Variants in THADA observed in about 807,000 individuals in gnomAD.
THADA encodes THADA armadillo repeat containing.
THADA carries 213 observed loss-of-function variants against 219.8 expected under a neutral mutation model. The observed-to-expected ratio is 0.97, with a 90% CI of 0.87 to 1.09. The LOEUF (loss-of-function observed/expected upper bound fraction) is 1.09. Among genes scored for constraint, THADA ranks in the 50% least tolerant of loss-of-function variants. The pLI is 0.00. For missense variants in THADA, 2,956 were observed against 2,311.3 expected (o/e 1.28, Z -5.72); for synonymous variants, 1,018 against 828.9 (o/e 1.23, Z -3.92).
At chr2:43,399,096 T>G (rs1010623212) in intron 28 of THADA, among the ~76,000 whole-genome samples, 1 of 152,200 alleles carries the variant, frequency 6.6e-6, no homozygotes. Context: ...CTTTAAAGCC[T>G]TCACAGATAG....
At position 43,499,848 on chromosome 2, in the gene THADA, G is replaced by C. The variant is rs544538163; in HGVS notation, c.3622-893C>G. Among the ~76,000 whole-genome samples, 12 of 151,982 alleles carry C rather than the reference G, an allele frequency of 7.9e-5. No homozygotes were observed. In the South Asian group the frequency reaches 2.5e-3, roughly 32 times the overall value. On this transcript the variant is annotated intron_variant, in intron 24 of 37. Transcript: ENST00000405975. ...ATGCTTCTATTTTTTTAAATGACTA[G>C]AATGATTGTGGTAAGTGACGAATTA...
At chr2:43,274,947 A>ATCC (rs1188684257) in intron 36 of THADA, among the ~76,000 whole-genome samples, 1 of 147,846 alleles carries the variant, frequency 6.8e-6, no homozygotes, top group Non-Finnish European at 1.5e-5. Context: ...GCCTTCTCTT[A>ATCC]TCCTGTATCA....
At chr2:43,289,297 T>C (rs1299507393) in intron 34 of THADA, among the ~76,000 whole-genome samples, 1 of 152,248 alleles carries the variant, frequency 6.6e-6, no homozygotes, top group Non-Finnish European at 1.5e-5. Flanking sequence ...GTTCCAGATG[T>C]ACTTTACTTC....
At chr2:43,452,178 T>A (rs2104898723) in intron 26 of THADA, among the ~76,000 whole-genome samples, 1 of 152,268 alleles carries the variant, frequency 6.6e-6, no homozygotes, top group African/African-American at 2.4e-5. Flanking sequence ...TAGACTAATT[T>A]AGCATAAGGT....
intron 18 of THADA, 97 bp downstream of exon 18, chr2:43,552,107 T>C (rs1696820395): frequency 9.8e-6 from 15 of 1,530,178 alleles, no homozygotes; most frequent in Middle Eastern, 1.7e-4. Context: ...TTCAAAGCAA[T>C]AGACTGCATT....
intron 8 of THADA, among the ~76,000 whole-genome samples, chr2:43,579,572 G>A (rs1327235427): frequency 6.6e-6 from 1 of 152,134 alleles, no homozygotes; most frequent in Non-Finnish European, 1.5e-5. Flanking sequence ...GACTTTGATT[G>A]GGGAAGCCAC....
intron 26 of THADA, among the ~76,000 whole-genome samples, chr2:43,445,410 C>T (rs1049070368): frequency 6.6e-6 from 1 of 152,198 alleles, no homozygotes; most frequent in African/African-American, 2.4e-5. Context: ...CTGACACTAG[C>T]TTTTCTCCCT....
At chr2:43,585,729 C>A (rs1458482570) in intron 7 of THADA, among the ~76,000 whole-genome samples, 1 of 151,980 alleles carries the variant, frequency 6.6e-6, no homozygotes, top group Admixed American at 6.6e-5. Flanking sequence ...AAAAAACTAT[C>A]ATGAATATAT....
chr2:43,539,660 A>G (rs2103804850), intron 21 of THADA, among the ~76,000 whole-genome samples: 1 of 152,314 alleles, frequency 6.6e-6, no homozygotes, highest in Non-Finnish European at 1.5e-5. Context: ...TTACCATGTG[A>G]ATGGCAACAT....
intron 36 of THADA, among the ~76,000 whole-genome samples, chr2:43,272,892 C>T (rs947372845): frequency 6.6e-6 from 1 of 151,868 alleles, no homozygotes; most frequent in African/African-American, 2.4e-5. Context: ...TCCGAAAGTG[C>T]TGGGATTACA....
intron 26 of THADA, among the ~76,000 whole-genome samples, chr2:43,459,546 T>G (rs1683391661): frequency 6.6e-6 from 1 of 152,150 alleles, no homozygotes; most frequent in Admixed American, 6.6e-5. Flanking sequence ...GACTAGAAAC[T>G]AAAAGTCAAA....
intron 36 of THADA, among the ~76,000 whole-genome samples, chr2:43,260,854 A>G (rs922193606): frequency 2.0e-5 from 3 of 152,208 alleles, no homozygotes; most frequent in African/African-American, 7.2e-5. Context: ...TTTCTGTCAG[A>G]GTACAAGGTT....
intron 19 of THADA, among the ~76,000 whole-genome samples, chr2:43,551,287 T>C (rs1696710692): frequency 6.6e-6 from 1 of 152,240 alleles, no homozygotes; most frequent in Non-Finnish European, 1.5e-5. Flanking sequence ...CACTCAATTT[T>C]AGCACAGGTT....
chr2:43,590,013 A>G (rs1055848750), intron 4 of THADA, among the ~76,000 whole-genome samples: 1 of 152,152 alleles, frequency 6.6e-6, no homozygotes, highest in Non-Finnish European at 1.5e-5. Flanking sequence ...GATATATATA[A>G]AAAAAGTAGA....
intron 28 of THADA, 121 bp downstream of exon 28, chr2:43,427,979 A>AAT (rs1043956897): frequency 2.0e-4 from 93 of 466,934 alleles, no homozygotes; most frequent in African/African-American, 7.1e-4. Context: ...ACAAACAAAT[A>AAT]ATATATATAT....
chr2:43,234,359 C>G (rs1469021987), intron 36 of THADA, among the ~76,000 whole-genome samples: 2 of 152,192 alleles, frequency 1.3e-5, no homozygotes, highest in African/African-American at 2.4e-5. Context: ...GGTGAAAGTA[C>G]TGATCTCACC....
chr2:43,364,449 T>C (rs931840018), intron 29 of THADA, among the ~76,000 whole-genome samples: 1 of 152,160 alleles, frequency 6.6e-6, no homozygotes, highest in African/African-American at 2.4e-5. Flanking sequence ...CTACAGGATG[T>C]TTCCTAGCCC....
intron 36 of THADA, among the ~76,000 whole-genome samples, chr2:43,266,452 AGTTAGCCGGGCGTGGTGGCTGGCACCT>A: frequency 6.6e-6 from 1 of 152,208 alleles, no homozygotes; most frequent in East Asian, 1.9e-4. Flanking sequence ...AAAAATAAAA[AGTTAGCCGGGCGTGGTGGCTGGCACCT>A]GTAGTTGCAG....
intron 36 of THADA, among the ~76,000 whole-genome samples, chr2:43,234,958 C>T (rs1667860088): frequency 6.6e-6 from 1 of 151,202 alleles, no homozygotes; most frequent in Admixed American, 6.6e-5. Flanking sequence ...CAGGTATGAG[C>T]CGCTGCACCC....
Sources: gnomAD v4.1 joint callset for allele counts (sites outside exome capture counted in the v4.1 genomes callset) on GRCh38, gnomAD v4.1.1 for gene constraint, MANE v1.5 for transcripts, NCBI Gene and HGNC (gene_info 2026-07-23, HGNC 2026-07-21) for gene names.